The following EYS variants were observed in gnomAD, a reference collection of about 807,000 sequenced individuals.
EYS encodes EGF-like photoreceptor maintenance factor, also known as protein eyes shut homolog.
EYS carries 250 observed loss-of-function variants against 282.1 expected under a neutral mutation model. That is an observed-to-expected ratio of 0.89 (90% CI 0.80 to 0.98). The LOEUF (loss-of-function observed/expected upper bound fraction) is 0.98. EYS is among the 50% of genes least tolerant of loss of function. The probability of loss-of-function intolerance (pLI) is 0.00; values close to 1 mark genes in which losing one functional copy is unlikely to be tolerated. For missense variants in EYS, 4,016 were observed against 3,709.0 expected, an observed-to-expected ratio of 1.08 and a Z score of -2.15; for synonymous variants, 1,355 against 1,282.9, an observed-to-expected ratio of 1.06 and a Z score of -1.20.
At chr6:64,069,104 C>T (rs544551210) in intron 32 of EYS, among the ~76,000 whole-genome samples, 1 of 152,088 alleles carries the variant, frequency 6.6e-6, no homozygotes, top group African/African-American at 2.4e-5. Context: ...GGAATGGATT[C>T]TCTGAAGCTT....
rs141413599 is a variant in EYS at position 64,476,029 on chromosome 6, G to A, written c.5645-36677C>T. ...TGGTCTGAAACTACTGGCCTCGAGC[G>A]ATCTTCCTCCCTTGGCCTCCCAAAG... On this transcript the variant is annotated intron_variant, in intron 26 of 42. Coordinates refer to ENST00000503581, the MANE Select transcript of EYS (RefSeq NM_001142800.2). Among the ~76,000 whole-genome samples the A allele has an allele frequency of 1.3e-3, 200 of 152,190 alleles. 2 individuals are homozygous for A. The highest frequency in any genetic ancestry group is 4.5e-3 in the African/African-American group (187 of 41,542).
At chr6:64,424,195 T>C (rs1318652198) in intron 28 of EYS, among the ~76,000 whole-genome samples, 2 of 152,160 alleles carry the variant, frequency 1.3e-5, no homozygotes, top group Non-Finnish European at 2.9e-5. Flanking sequence ...CTCAGCTAAA[T>C]CAACCCCCGT....
chr6:64,881,331 G>T (rs1012896289), intron 19 of EYS, among the ~76,000 whole-genome samples: 1 of 151,734 alleles, frequency 6.6e-6, no homozygotes, highest in African/African-American at 2.4e-5. Flanking sequence ...ACTAAGTGCC[G>T]AATGATGTTG....
chr6:64,469,808 C>T (rs1030816493), intron 26 of EYS, among the ~76,000 whole-genome samples: 2 of 152,238 alleles, frequency 1.3e-5, no homozygotes, highest in South Asian at 2.1e-4. Context: ...GAGGCCTAAC[C>T]GTCTCCCTGT....
rs551385858 is a variant in EYS at position 65,169,707 on chromosome 6, C to T, written c.2024-111980G>A. Among the ~76,000 whole-genome samples the T allele has an allele frequency of 3.3e-5, 5 of 151,424 alleles. No homozygotes were observed. In the East Asian group the frequency reaches 9.8e-4, roughly 30 times the overall value. Reference sequence around the variant, plus strand: ...CAAGTCTATATATACTGACTTCTACCTAACTACAGTATCCAAACTTATGCT... The same window carrying T: ...CAAGTCTATATATACTGACTTCTACTTAACTACAGTATCCAAACTTATGCT... On this transcript the variant is annotated intron_variant, in intron 12 of 42. Transcript: ENST00000503581.
Position 64,800,172 on chromosome 6 carries a change from C to T in EYS, c.3443+13206G>A, listed in dbSNP as rs573245211. On this transcript the variant is annotated intron_variant, in intron 22 of 42. Transcript: ENST00000503581. Reference sequence around the variant, plus strand: ...ATAAATTGGCCTACAAAAGGTATTGCTAAAGAAATAAAGTATGCTGCAAAT... The same window carrying T: ...ATAAATTGGCCTACAAAAGGTATTGTTAAAGAAATAAAGTATGCTGCAAAT... Among the ~76,000 whole-genome samples, 6 of 152,092 alleles carry T rather than the reference C, an allele frequency of 3.9e-5. No individual in the cohort carries two copies. In the East Asian group the frequency reaches 1.2e-3, roughly 29 times the overall value.
At chr6:65,282,967 G>A (rs1768265888) in intron 12 of EYS, among the ~76,000 whole-genome samples, 1 of 151,732 alleles carries the variant, frequency 6.6e-6, no homozygotes, top group African/African-American at 2.4e-5. Context: ...CATTTTACAG[G>A]TAGGCAAAAT....
At chr6:64,085,899 CA>C (rs1410229655) in intron 31 of EYS, among the ~76,000 whole-genome samples, 1 of 152,186 alleles carries the variant, frequency 6.6e-6, no homozygotes, top group East Asian at 1.9e-4. Flanking sequence ...GCCTTGTTAG[CA>C]AGTTCTTCAT....
intron 12 of EYS, among the ~76,000 whole-genome samples, chr6:65,152,692 T>C (rs1764640934): frequency 6.6e-6 from 1 of 151,964 alleles, no homozygotes; most frequent in African/African-American, 2.4e-5. Flanking sequence ...GCAGCTAGTA[T>C]AGTAAAGAGC....
intron 12 of EYS, among the ~76,000 whole-genome samples, chr6:65,090,010 C>T (rs1278074637): frequency 7.7e-6 from 1 of 129,658 alleles, no homozygotes; most frequent in Non-Finnish European, 1.7e-5. Flanking sequence ...CACACACAAA[C>T]ACACACACAC....
intron 30 of EYS, among the ~76,000 whole-genome samples, chr6:64,280,875 A>G (rs927391210): frequency 6.6e-6 from 1 of 152,154 alleles, no homozygotes; most frequent in Non-Finnish European, 1.5e-5. Context: ...CACATAAACT[A>G]TTTATAATCA....
chr6:64,217,213 G>A (rs957481332), intron 31 of EYS, among the ~76,000 whole-genome samples: 1 of 152,142 alleles, frequency 6.6e-6, no homozygotes. Flanking sequence ...CTAGGTATAA[G>A]TCAGTGTAAA....
At chr6:63,950,889 C>A (rs947106114) in intron 35 of EYS, among the ~76,000 whole-genome samples, 2 of 151,980 alleles carry the variant, frequency 1.3e-5, no homozygotes, top group Non-Finnish European at 2.9e-5. Flanking sequence ...GTGTTTTATC[C>A]GTGAACCCAA....
intron 12 of EYS, among the ~76,000 whole-genome samples, chr6:65,293,177 C>G (rs763221139): frequency 6.6e-6 from 1 of 151,178 alleles, no homozygotes; most frequent in Non-Finnish European, 1.5e-5. Context: ...GGACGATAAA[C>G]TTGCATGGTC....
intron 2 of EYS, among the ~76,000 whole-genome samples, chr6:65,547,502 T>C (rs890260189): frequency 2.6e-5 from 4 of 152,110 alleles, no homozygotes; most frequent in African/African-American, 9.7e-5. Context: ...TGATTACTTG[T>C]ATGTGTGTGT....
At chr6:65,413,805 G>A (rs1391507468) in intron 5 of EYS, among the ~76,000 whole-genome samples, 2 of 151,880 alleles carry the variant, frequency 1.3e-5, no homozygotes, top group African/African-American at 4.8e-5. Flanking sequence ...GCAGTGAGCC[G>A]AGATTGCGCC....
At chr6:65,706,167 C>T (rs979902313) in intron 1 of EYS, among the ~76,000 whole-genome samples, 2 of 151,220 alleles carry the variant, frequency 1.3e-5, no homozygotes, top group African/African-American at 2.4e-5. Context: ...GACATATACT[C>T]ATATGATATA....
chr6:64,417,022 C>T (rs1308919278), intron 28 of EYS, among the ~76,000 whole-genome samples: 1 of 152,120 alleles, frequency 6.6e-6, no homozygotes, highest in Non-Finnish European at 1.5e-5. Flanking sequence ...AACTCAAGAA[C>T]TCATTCTTTT....
At chr6:65,238,199 C>A (rs1382634366) in intron 12 of EYS, among the ~76,000 whole-genome samples, 1 of 150,852 alleles carries the variant, frequency 6.6e-6, no homozygotes, top group African/African-American at 2.4e-5. Flanking sequence ...TTTTTACTCT[C>A]AAATACTATT....
Sources: gnomAD v4.1 joint callset for allele counts (sites outside exome capture counted in the v4.1 genomes callset) on GRCh38, gnomAD v4.1.1 for gene constraint, MANE v1.5 for transcripts, NCBI Gene and HGNC (gene_info 2026-07-23, HGNC 2026-07-21) for gene names.